Variants in ADAMTS18 observed in about 807,000 individuals in gnomAD.
ADAMTS18 encodes A disintegrin and metalloproteinase with thrombospondin motifs 18.
A neutral mutation model predicts 165.9 loss-of-function variants in ADAMTS18; 157 were observed. The ratio of observed to expected loss-of-function variants is 0.95; its 90% confidence interval spans 0.83 to 1.08. The LOEUF is 1.08. Among genes scored for constraint, ADAMTS18 ranks in the 50% least tolerant of loss-of-function variants. The probability of loss-of-function intolerance (pLI) is 0.00; values close to 1 mark genes in which losing one functional copy is unlikely to be tolerated. For missense variants in ADAMTS18, 2,040 were observed against 1,534.0 expected, an observed-to-expected ratio of 1.33 and a Z score of -5.51; for synonymous variants, 782 against 578.2, an observed-to-expected ratio of 1.35 and a Z score of -5.06.
intron 8 of ADAMTS18, among the ~76,000 whole-genome samples, chr16:77,356,549 A>G (rs529567430): frequency 5.9e-5 from 9 of 152,300 alleles, no homozygotes; most frequent in African/African-American, 2.2e-4. Context: ...GCATGGTATA[A>G]AAACTTCTCT....
intron 12 of ADAMTS18, 120 bp from the exon 13 acceptor site, chr16:77,326,158 C>T: frequency 1.1e-6 from 1 of 937,610 alleles, no homozygotes; most frequent in Non-Finnish European, 1.7e-6. Flanking sequence ...CAAAGGCATA[C>T]AGTCTATTAC....
chr16:77,357,335 C>T (rs186137702), intron 8 of ADAMTS18, among the ~76,000 whole-genome samples: 11 of 152,238 alleles, frequency 7.2e-5, no homozygotes, highest in African/African-American at 2.4e-4. Flanking sequence ...CTATCAGTGA[C>T]TTCCTTAGGT....
intron 3 of ADAMTS18, among the ~76,000 whole-genome samples, chr16:77,386,665 G>C (rs7204786): frequency 0.89 from 135,358 of 152,122 alleles, 60,421 homozygotes; most frequent in East Asian, 0.97. Context: ...CAACCTTATA[G>C]TTGATGCATT....
intron 12 of ADAMTS18, among the ~76,000 whole-genome samples, chr16:77,333,212 A>G (rs1203476525): frequency 6.6e-6 from 1 of 152,100 alleles, no homozygotes; most frequent in African/African-American, 2.4e-5. Flanking sequence ...CATGGACTTT[A>G]TATGCAAACA....
chr16:77,321,237 G>C (rs1174745765), intron 14 of ADAMTS18, 35 bp from the exon 15 acceptor site: 1 of 1,613,550 alleles, frequency 6.2e-7, no homozygotes. Context: ...GAAAATAAAA[G>C]ATCAGAGAAG....
Position 77,283,739 on chromosome 16 carries a change from G to A in ADAMTS18, c.*217C>T. On this transcript the variant is annotated 3_prime_UTR_variant, in exon 23 of 23. Coordinates refer to ENST00000282849, the MANE Select transcript of ADAMTS18 (RefSeq NM_199355.4). The stretch of plus-strand genomic sequence containing the variant: ...TTTTTTTAAAGTCAGATTTGTCATC[G>A]CTTCCCATTTTCAAGTGCTTCAGAG... The A allele has an allele frequency of 3.7e-6, 2 of 546,474 alleles. No homozygotes were observed. The highest frequency in any genetic ancestry group is 6.6e-6 in the Non-Finnish European group (2 of 304,314). 33.9% of individuals were successfully genotyped at this position (546,474 alleles called of 1,614,324 possible).
intron 6 of ADAMTS18, 32 bp downstream of exon 6, chr16:77,363,770 G>A (rs759094771): frequency 1.3e-6 from 2 of 1,589,588 alleles, no homozygotes; most frequent in Non-Finnish European, 1.7e-6. Flanking sequence ...ACGGCAGACT[G>A]AATGAAGACA....
At chr16:77,343,361 AC>A (rs1309448763) in intron 10 of ADAMTS18, among the ~76,000 whole-genome samples, 1 of 152,216 alleles carries the variant, frequency 6.6e-6, no homozygotes, top group African/African-American at 2.4e-5. Context: ...CACATGAGCC[AC>A]CTTGCCTGGC....
rs28676787 is a variant in ADAMTS18 at position 77,295,755 on chromosome 16, C to A, written c.2802-628G>T. On this transcript the variant is annotated intron_variant, in intron 18 of 22. Transcript: ENST00000282849. ...AATTTAGTGATAGGTTAAATACCTACCTTCATTTTCTTTAAAATTTGCCAG... is the reference window on the plus strand; with the variant it reads ...AATTTAGTGATAGGTTAAATACCTAACTTCATTTTCTTTAAAATTTGCCAG... Among the ~76,000 whole-genome samples, 523 of 152,192 alleles carry A rather than the reference C, an allele frequency of 3.4e-3. 7 individuals are homozygous for A. The highest frequency in any genetic ancestry group is 0.012 in the African/African-American group (509 of 41,502).
chr16:77,349,543 A>AAAT (rs2056525266), intron 10 of ADAMTS18, among the ~76,000 whole-genome samples: 1 of 150,862 alleles, frequency 6.6e-6, no homozygotes, highest in Non-Finnish European at 1.5e-5. Context: ...AAAAAAAAAA[A>AAAT]AAAAAGCCGG....
At chr16:77,313,831 G>C (rs140617092) in intron 16 of ADAMTS18, among the ~76,000 whole-genome samples, 38 of 152,212 alleles carry the variant, frequency 2.5e-4, no homozygotes, top group African/African-American at 8.9e-4. Flanking sequence ...CCCCTCAAAA[G>C]AAAAAGAAGT....
At chr16:77,368,350 A>T (rs527891112) in intron 3 of ADAMTS18, among the ~76,000 whole-genome samples, 1 of 152,092 alleles carries the variant, frequency 6.6e-6, no homozygotes, top group East Asian at 1.9e-4. Flanking sequence ...GACCTGGCAG[A>T]TGCCATGTTC....
intron 3 of ADAMTS18, among the ~76,000 whole-genome samples, chr16:77,427,044 G>GTCAA (rs140724464): frequency 0.11 from 16,839 of 152,094 alleles, 1,207 homozygotes; most frequent in South Asian, 0.16. Context: ...AAAATGATGA[G>GTCAA]TCAATGTGTC....
chr16:77,373,095 C>T (rs966291720), intron 3 of ADAMTS18, among the ~76,000 whole-genome samples: 1 of 152,144 alleles, frequency 6.6e-6, no homozygotes, highest in Non-Finnish European at 1.5e-5. Flanking sequence ...CTTTCCCCTA[C>T]AGTCTTCTCC....
intron 21 of ADAMTS18, chr16:77,290,933 C>G: frequency 2.5e-6 from 1 of 393,362 alleles, no homozygotes. Context: ...ATTTCTAAAA[C>G]AGAAAGACTC....
Position 77,298,301 on chromosome 16 carries a change from A to T in ADAMTS18, c.2675-886T>A, listed in dbSNP as rs966455824. Among the ~76,000 whole-genome samples the T allele has an allele frequency of 3.3e-5, 5 of 152,058 alleles. No homozygotes were observed. In the East Asian group the frequency reaches 5.8e-4, roughly 18 times the overall value. On this transcript the variant is annotated intron_variant, in intron 17 of 22. Transcript: ENST00000282849. The stretch of plus-strand genomic sequence containing the variant: ...TCTTATCAGGGGCATATATTTTTTT[A>T]AAAATGTGTGAATAATTGTATTTTT...
chr16:77,359,231 G>A lies in ADAMTS18; in HGVS notation c.1322+87C>T, dbSNP rs1224186568. 5 of 1,154,412 alleles carry A rather than the reference G, an allele frequency of 4.3e-6. No homozygotes were observed. In the African/African-American group the frequency reaches 6.1e-5, roughly 14 times the overall value. The allele number at this position is 1,154,412 out of a possible 1,614,324, so 71.5% of individuals were successfully genotyped here. On this transcript the variant is annotated intron_variant, in intron 8 of 22. Transcript: ENST00000282849. ...ACACAAGACTGATCCTCTTTGTTCT[G>A]CCTAAGTCAACAACAACGGTTAGAG...
At chr16:77,336,062 C>T (rs966618847) in intron 11 of ADAMTS18, among the ~76,000 whole-genome samples, 158 bp from the exon 12 acceptor site, 6 of 152,196 alleles carry the variant, frequency 3.9e-5, no homozygotes, top group Non-Finnish European at 8.8e-5. Context: ...TCTAAAAACA[C>T]TCAACTACTC....
At position 77,434,478 on chromosome 16, in the gene ADAMTS18, C is replaced by G. The variant is rs1432111632; in HGVS notation, c.118G>C (p.Ala40Pro). ...KALQLCCLCC[A>P]SVAAALASDS... The stretch of plus-strand genomic sequence containing the variant: ...CTGGCTAAGGCCGCGGCGACCGACG[C>G]ACAGCAGAGGCAGCACAGCTGGAGC... Residue 40 changes from alanine to proline, a missense_variant, in exon 2 of 23, where the codon GCG becomes CCG. Physicochemically the swap from Ala to Pro is conservative, Grantham distance 27. Coordinates refer to ENST00000282849, the MANE Select transcript of ADAMTS18 (RefSeq NM_199355.4). The G allele has an allele frequency of 6.4e-7, 1 of 1,569,320 alleles. No homozygotes were observed. Among genetic ancestry groups the G allele is most frequent in the Non-Finnish European group, 8.6e-7 (1 of 1,162,244 alleles).
Sources: allele counts gnomAD v4.1 joint callset (sites outside exome capture counted in the v4.1 genomes callset), GRCh38; gene constraint gnomAD v4.1.1; transcripts MANE v1.5; gene names NCBI Gene and HGNC (gene_info 2026-07-23, HGNC 2026-07-21).